MYH3: variants seen among roughly 807,000 people sequenced by gnomAD.
MYH3 encodes myosin-3.
Under a neutral mutation model 238.0 loss-of-function variants are expected in MYH3, and 130 were observed. That is an observed-to-expected ratio of 0.55 (90% CI 0.47 to 0.63). The LOEUF is 0.63. Ranked by LOEUF, MYH3 falls within the 30% of genes least tolerant of loss-of-function variation. The pLI is 0.00. For synonymous variants in MYH3, 880 were observed against 924.1 expected (o/e 0.95, Z 0.86); for missense variants, 1,853 against 2,374.9 (o/e 0.78, Z 4.57).
intron 29 of MYH3, 44 bp downstream of exon 29, chr17:10,635,691 A>T (rs1438969657): frequency 1.9e-6 from 3 of 1,612,236 alleles, no homozygotes; most frequent in Non-Finnish European, 2.5e-6. Flanking sequence ...CCTACAGGTG[A>T]TATTTAAAAA....
At position 10,642,354 on chromosome 17, in the gene MYH3, A is replaced by C. The variant is rs781016144; in HGVS notation, c.1889-44T>G. The C allele has an allele frequency of 6.8e-6, 11 of 1,613,790 alleles. No homozygotes were observed. Among genetic ancestry groups the C allele is most frequent in the Non-Finnish European group, 8.5e-6 (10 of 1,179,768 alleles). On this transcript the variant is annotated intron_variant, in intron 16 of 40. Transcript: ENST00000583535. This position sits in a 1 kb window ranked among gnomAD's most constrained non-coding sequence, Gnocchi z 5.4. Reference sequence around the variant, plus strand: ...GGCACGTGCTGTAGGTGAATCTAAAAGGTTTTTTGTTACTGTGGAACAAAT... The same window carrying C: ...GGCACGTGCTGTAGGTGAATCTAAACGGTTTTTTGTTACTGTGGAACAAAT...
At position 10,628,691 on chromosome 17, in the gene MYH3, G is replaced by A. The variant is rs374799651; in HGVS notation, c.5797-12C>T. The A allele has an allele frequency of 6.2e-7, 1 of 1,614,068 alleles. No homozygotes were observed. On this transcript the variant is annotated splice_polypyrimidine_tract_variant and intron_variant, in intron 40 of 40. Coordinates refer to ENST00000583535, the MANE Select transcript of MYH3 (RefSeq NM_002470.4). Reference sequence around the variant, plus strand: ...TCGTGGACCACCATCTAGGAAGAAAGTAGGCACCTGGAGTCAAGTCGGGTG... The same window carrying A: ...TCGTGGACCACCATCTAGGAAGAAAATAGGCACCTGGAGTCAAGTCGGGTG...
chr17:10,633,393 C>T (rs1215008040), intron 33 of MYH3, among the ~76,000 whole-genome samples, 198 bp downstream of exon 33: 1 of 152,144 alleles, frequency 6.6e-6, no homozygotes, highest in Non-Finnish European at 1.5e-5. Context: ...TTTAATATGA[C>T]AGTCTTCTCC....
the MYH3 span, among the ~76,000 whole-genome samples, chr17:10,670,771 G>GCTCA: frequency 0.06 from 9,096 of 152,176 alleles, 310 homozygotes; most frequent in Non-Finnish European, 0.069. The surrounding 1 kb of genome is among the most constrained non-coding windows in gnomAD (Gnocchi z 7.0). Flanking sequence ...CGGCTTACTT[G>GCTCA]CTCAAAGTAC....
chr17:10,676,529 A>G, the MYH3 span: 1 of 152,186 alleles, frequency 6.6e-6, no homozygotes, highest in Non-Finnish European at 1.5e-5. Context: ...GGGTACATCA[A>G]TTAGTTAACT....
chr17:10,629,675 C>T lies in MYH3; in HGVS notation c.5718G>A (p.Glu1906=). ...KFRKAQHELE[E]AEERADIAES... The stretch of plus-strand genomic sequence containing the variant: ...CTGCGATATCCGCACGTTCCTCGGC[C>T]TCCTCCAGCTCATGCTGAGCCTTTC... The change falls in exon 40 of 41, where the codon GAG becomes GAA. Residue 1906 remains glutamate (E), a synonymous_variant. Transcript: ENST00000583535. 1 of 1,614,240 alleles carries T rather than the reference C, an allele frequency of 6.2e-7. No individual in the cohort carries two copies. The highest frequency in any genetic ancestry group is 8.5e-7 in the Non-Finnish European group (1 of 1,180,060).
rs961057753 is a variant in MYH3 at position 10,641,867 on chromosome 17, C to G, written c.1959+373G>C. On this transcript the variant is annotated intron_variant, in intron 17 of 40. Transcript: ENST00000583535. ...TGGAGGTGTAGGCTAGTAACTGATACAATTGTCTTTTGTCTCCCAGTGAGC... is the reference window on the plus strand; with the variant it reads ...TGGAGGTGTAGGCTAGTAACTGATAGAATTGTCTTTTGTCTCCCAGTGAGC... Among the ~76,000 whole-genome samples the G allele has an allele frequency of 2.0e-5, 3 of 152,112 alleles. No homozygotes were observed. The South Asian group carries it at 6.2e-4, about 31-fold the overall frequency.
the MYH3 span, chr17:10,676,087 T>A: frequency 0.46 from 69,669 of 151,988 alleles, 16,201 homozygotes; most frequent in East Asian, 0.54. Context: ...ACTGTGGTTG[T>A]TTTTTTCTTT....
In MYH3 at chr17:10,637,903, C is replaced by G; in HGVS notation, c.3762G>C (p.Glu1254Asp). 4 of 1,614,150 alleles carry G rather than the reference C, an allele frequency of 2.5e-6. No individual in the cohort carries two copies. The highest frequency in any genetic ancestry group is 3.4e-6 in the Non-Finnish European group (4 of 1,180,024). The change falls in exon 28 of 41, where the codon GAG (glutamate) becomes GAC (aspartate). Residue 1254 changes from glutamate to aspartate, a missense_variant. Physicochemically the swap from Glu to Asp is conservative, Grantham distance 45. This residue lies in a region of MYH3 where 1,044 missense variants were observed against 1,192.6 expected (regional missense o/e 0.88). Transcript: ENST00000583535. ...ANLEKICRTL[E>D]DQLSEARGKN... ...TGCCCCTGGCCTCACTTAACTGATC[C>G]TCCAGGGTTCGGCAGATTTTTTCCA... is the stretch of plus-strand genomic sequence containing the variant.
Position 10,645,231 on chromosome 17 carries a change from T to A in MYH3, c.1141+476A>T, listed in dbSNP as rs533732435. Among the ~76,000 whole-genome samples, 4 of 152,090 alleles carry A rather than the reference T, an allele frequency of 2.6e-5. No individual in the cohort carries two copies. In the East Asian group the frequency reaches 7.8e-4, roughly 30 times the overall value. ...AGGCGAATCATTTGAGGTCAGGAGT[T>A]TGAGCCTGGCCAACATGGTGAAACC... On this transcript the variant is annotated intron_variant, in intron 12 of 40. Coordinates refer to ENST00000583535, the MANE Select transcript of MYH3 (RefSeq NM_002470.4).
intron 8 of MYH3, among the ~76,000 whole-genome samples, chr17:10,647,795 G>A (rs908319348): frequency 2.6e-5 from 4 of 152,196 alleles, no homozygotes; most frequent in African/African-American, 9.6e-5. Context: ...CGCCCGCCTC[G>A]GCCTCCCAAA....
At position 10,655,269 on chromosome 17, in the gene MYH3, A is replaced by C. The variant is rs1178938990; in HGVS notation, c.-8-197T>G. Reference sequence around the variant, plus strand: ...CAGTGCTGGGAAATCACACGGGTGCATATTTATTGAGGGGCTTCTTGTGCG... The same window carrying C: ...CAGTGCTGGGAAATCACACGGGTGCCTATTTATTGAGGGGCTTCTTGTGCG... On this transcript the variant is annotated intron_variant, in intron 2 of 40. Coordinates refer to ENST00000583535, the MANE Select transcript of MYH3 (RefSeq NM_002470.4). 3.3e-5 allele frequency among the ~76,000 whole-genome samples: 5 copies of C among 152,204 alleles called. No individual in the cohort carries two copies. In the South Asian group the frequency reaches 1.0e-3, roughly 32 times the overall value.
At chr17:10,633,184 G>C (rs1188688067) in intron 33 of MYH3, among the ~76,000 whole-genome samples, 1 of 151,988 alleles carries the variant, frequency 6.6e-6, no homozygotes, top group Non-Finnish European at 1.5e-5. Context: ...TGGGCAACAA[G>C]AGCAAAACTC....
At chr17:10,640,768 C>A in intron 19 of MYH3, 82 bp from the exon 20 acceptor site, 1 of 1,528,984 alleles carries the variant, frequency 6.5e-7, no homozygotes, top group South Asian at 1.2e-5. Context: ...GCCTCTCTTC[C>A]TATAGGCAGA....
rs149933943 is a variant in MYH3 at position 10,639,410 on chromosome 17, T to C, written c.2990A>G (p.Lys997Arg). The C allele has an allele frequency of 3.0e-5, 49 of 1,614,052 alleles. No individual in the cohort carries two copies. Among genetic ancestry groups the C allele is most frequent in the East Asian group, 8.9e-5 (4 of 44,898 alleles). ...DETIAKLTRE[K>R]KALQEAHQQA... Reference sequence around the variant, plus strand: ...CTGGTGCGCCTCTTGGAGGGCCTTCTTCTCTCTGGTTAACTTTGCAATTGT... The same window carrying C: ...CTGGTGCGCCTCTTGGAGGGCCTTCCTCTCTCTGGTTAACTTTGCAATTGT... The change falls in exon 24 of 41, where the codon AAG (lysine) becomes AGG (arginine). Residue 997 changes from lysine to arginine, a missense_variant. Transcript: ENST00000583535.
chr17:10,660,842 G>C (rs149549023), upstream of MYH3, among the ~76,000 whole-genome samples: 260 of 151,938 alleles, frequency 1.7e-3, no homozygotes, highest in Non-Finnish European at 2.6e-3. Flanking sequence ...AAAATTACCT[G>C]AGTGTGGTGG....
In MYH3 at chr17:10,655,058, T is replaced by C; in HGVS notation, c.7A>G (p.Ser3Gly). Residue 3 changes from serine (S) to glycine (G), a missense_variant, in exon 3 of 41, where the codon AGT (serine) becomes GGT (glycine). Ser to Gly is a moderately conservative substitution (Grantham distance 56). This residue lies in a region of MYH3 where 131 missense variants were observed against 123.5 expected (regional missense o/e 1.06). Transcript: ENST00000583535. MS[S>G]DTEMEVFGIA... ...CCGAACACTTCCATTTCAGTGTCAC[T>C]ACTCATGGTGTCAGCTGGAAGGCAA... 1.2e-6 allele frequency: 2 copies of C among 1,614,088 alleles called. No homozygotes were observed. Among genetic ancestry groups the C allele is most frequent in the Non-Finnish European group, 1.7e-6 (2 of 1,179,960 alleles).
the MYH3 span, chr17:10,674,567 G>C: frequency 6.1e-6 from 1 of 163,174 alleles, no homozygotes; most frequent in Non-Finnish European, 1.3e-5. Flanking sequence ...CAAGGCTGTA[G>C]AGGGAGTCTG....
chr17:10,651,232 G>A (rs949401280), intron 5 of MYH3, among the ~76,000 whole-genome samples: 2 of 149,478 alleles, frequency 1.3e-5, no homozygotes, highest in African/African-American at 4.9e-5. Context: ...CGTTCTTGCT[G>A]TATTAGGCTG....
Sources: allele counts gnomAD v4.1 joint callset (sites outside exome capture counted in the v4.1 genomes callset), GRCh38; gene constraint gnomAD v4.1.1; regional missense constraint gnomAD v4.1.1; non-coding constraint Gnocchi (gnomAD v3.1); transcripts MANE v1.5; gene names NCBI Gene and HGNC (gene_info 2026-07-23, HGNC 2026-07-21).